Variants in TXNDC12 observed in about 807,000 individuals in gnomAD.
The protein encoded by TXNDC12 is thioredoxin domain containing 12.
A neutral mutation model predicts 24.2 loss-of-function variants in TXNDC12; 22 were observed. That is an observed-to-expected ratio of 0.91 (90% CI 0.65 to 1.30). The LOEUF is 1.30. Among genes scored for constraint, TXNDC12 ranks in the 50% most tolerant of loss-of-function variants. The probability of loss-of-function intolerance (pLI) is 0.00; values close to 1 mark genes in which losing one functional copy is unlikely to be tolerated. For synonymous variants in TXNDC12, 58 were observed against 73.4 expected (o/e 0.79, Z 1.07); for missense variants, 184 against 205.8 (o/e 0.89, Z 0.65).
chr1:52,051,568 G>A (rs972374578), intron 1 of TXNDC12, among the ~76,000 whole-genome samples: 3 of 152,092 alleles, frequency 2.0e-5, no homozygotes, highest in Non-Finnish European at 4.4e-5. Flanking sequence ...TAGTAGAGAT[G>A]GGGTTTCGCC....
chr1:52,024,570 C>A lies in TXNDC12; in HGVS notation c.295G>T (p.Glu99Ter). 3 of 1,609,750 alleles carry A rather than the reference C, an allele frequency of 1.9e-6. No homozygotes were observed. Among genetic ancestry groups the A allele is most frequent in the Non-Finnish European group, 2.5e-6 (3 of 1,177,278 alleles). ...FVMVNLEDEE[E>*]PKDEDFSPDG... Reference sequence around the variant, plus strand: ...GGGCTGAAATCTTCATCTTTGGGTTCCTCTTCATCCTATTAAGATTAAATG... The same window carrying A: ...GGGCTGAAATCTTCATCTTTGGGTTACTCTTCATCCTATTAAGATTAAATG... Residue 99 changes from glutamate to a stop codon, truncating the protein, a stop_gained, in exon 5 of 7, where the codon GAA becomes TAA. Transcript: ENST00000371626. LOFTEE classifies it high-confidence loss of function.
chr1:52,033,966 C>A, intron 2 of TXNDC12: 1 of 1,418,476 alleles, frequency 7.0e-7, no homozygotes, highest in African/African-American at 1.4e-5. Flanking sequence ...ATAATGGCAT[C>A]AGTTATTTAT....
At chr1:52,027,769 ATAT>A (rs1416032411) in intron 3 of TXNDC12, among the ~76,000 whole-genome samples, 3 of 149,166 alleles carry the variant, frequency 2.0e-5, no homozygotes, top group South Asian at 2.1e-4. Flanking sequence ...ATATACGTAT[ATAT>A]TATATGTTAT....
chr1:52,043,831 T>G (rs896232304), intron 1 of TXNDC12: 1 of 152,218 alleles, frequency 6.6e-6, no homozygotes, highest in African/African-American at 2.4e-5. Flanking sequence ...AGATTTTTCT[T>G]TCTCAGAAAT....
intron 6 of TXNDC12, 188 bp downstream of exon 6, chr1:52,023,303 G>C: frequency 2.1e-6 from 1 of 487,168 alleles, no homozygotes; most frequent in Non-Finnish European, 3.7e-6. Context: ...GGGTCAGTCA[G>C]CTCTTCCAAG....
In TXNDC12 at chr1:52,020,836, G is replaced by T. The variant is rs1006276699; in HGVS notation, c.*97C>A. The T allele has an allele frequency of 8.9e-6, 9 of 1,015,968 alleles. No individual in the cohort carries two copies. Among genetic ancestry groups the T allele is most frequent in the Admixed American group, 4.1e-5 (2 of 48,774 alleles). 62.9% of individuals were successfully genotyped at this position (1,015,968 alleles called of 1,614,324 possible). A position where few individuals can be genotyped will look rare whatever the true frequency, so the allele number is the denominator to read the frequency against. On this transcript the variant is annotated 3_prime_UTR_variant, in exon 7 of 7. Transcript: ENST00000371626. ...AGTGTAGGTAGGAATGAGGTTTCCT[G>T]GTCGGCTTAATTGTTCTAGATGATT...
intron 2 of TXNDC12, among the ~76,000 whole-genome samples, chr1:52,039,897 G>A (rs572224874): frequency 6.6e-6 from 1 of 152,098 alleles, no homozygotes; most frequent in South Asian, 2.1e-4. Context: ...GTGTTTGTGT[G>A]CAGAAGTTTT....
At chr1:52,048,112 G>C (rs1686130109) in intron 1 of TXNDC12, among the ~76,000 whole-genome samples, 1 of 152,132 alleles carries the variant, frequency 6.6e-6, no homozygotes, top group African/African-American at 2.4e-5. Context: ...GCCAATTAAA[G>C]TGAAAAGACA....
At chr1:52,031,245 C>T (rs1036999052) in intron 2 of TXNDC12, among the ~76,000 whole-genome samples, 3 of 151,454 alleles carry the variant, frequency 2.0e-5, no homozygotes, top group African/African-American at 7.3e-5. Flanking sequence ...CTGCAACCTC[C>T]GCCTCCCGGG....
At position 52,020,300 on chromosome 1, in the gene TXNDC12, G is replaced by A. The variant is rs1439014248; in HGVS notation, c.*633C>T. On this transcript the variant is annotated 3_prime_UTR_variant, in exon 7 of 7. Transcript: ENST00000371626. The stretch of plus-strand genomic sequence containing the variant: ...GGAAAGCATGCTTCCACCTGGAGCC[G>A]AGTCCAAGCACACAGCCAGTCCTGC... 1.3e-5 allele frequency: 5 copies of A among 387,306 alleles called. No individual in the cohort carries two copies. The highest frequency in any genetic ancestry group is 2.1e-5 in the African/African-American group (1 of 48,734). The allele number at this position is 387,306 out of a possible 1,614,324, so 24.0% of individuals were successfully genotyped here.
At chr1:52,028,262 T>C (rs982673556) in intron 3 of TXNDC12, among the ~76,000 whole-genome samples, 1 of 152,002 alleles carries the variant, frequency 6.6e-6, no homozygotes, top group Admixed American at 6.6e-5. Context: ...ATAACTTGGG[T>C]TCTAATTTGG....
intron 2 of TXNDC12, among the ~76,000 whole-genome samples, chr1:52,029,119 T>G (rs906941328): frequency 6.6e-6 from 1 of 152,176 alleles, no homozygotes; most frequent in Non-Finnish European, 1.5e-5. Flanking sequence ...CAGAACAGAC[T>G]CTGTCTCAAA....
intron 2 of TXNDC12, among the ~76,000 whole-genome samples, chr1:52,039,623 G>A (rs572887060): frequency 1.3e-3 from 191 of 152,240 alleles, no homozygotes; most frequent in Non-Finnish European, 2.1e-3. Context: ...GAGCCACCGC[G>A]CCCAGCTGAG....
chr1:52,033,718 C>T (rs1255149599), intron 2 of TXNDC12: 6 of 1,610,208 alleles, frequency 3.7e-6, no homozygotes, highest in Non-Finnish European at 5.1e-6. Flanking sequence ...AGCACGCCGG[C>T]TCTTGCCGCT....
In TXNDC12 at chr1:52,048,473, T is replaced by TAAA. The variant is rs57230386; in HGVS notation, c.97+6524_97+6526dup. 2.8e-4 allele frequency among the ~76,000 whole-genome samples: 33 copies of TAAA among 118,790 alleles called. No homozygotes were observed. In the East Asian group the frequency reaches 7.3e-3, roughly 26 times the overall value. 77.9% of individuals were successfully genotyped at this position (118,790 alleles called of 152,430 possible). On this transcript the variant is annotated intron_variant, in intron 1 of 6. Coordinates refer to ENST00000371626, the MANE Select transcript of TXNDC12 (RefSeq NM_015913.4). ...AGAGGGTGACCCTGTTTCTTTTCTTTAAAAAAAAAAAAAAAAAAGCATGCC... is the reference window on the plus strand; with the variant it reads ...AGAGGGTGACCCTGTTTCTTTTCTTTAAAAAAAAAAAAAAAAAAAAAGCATGCC...
Position 52,023,527 on chromosome 1 carries a change from G to T in TXNDC12, c.403C>A (p.Pro135Thr). Residue 135 changes from proline to threonine, a missense_variant, in exon 6 of 7, where the codon CCC becomes ACC. Pro to Thr is a conservative substitution (Grantham distance 38). Transcript: ENST00000371626. ...HPEIINENGN[P>T]SYKYFYVSAE... is the part of the protein sequence containing the mutation. ...CTGACATAAAAATACTTGTAGCTGG[G>T]GTTTCCATTCTCATTGATGATTTCA... 2 of 1,613,976 alleles carry T rather than the reference G, an allele frequency of 1.2e-6. No individual in the cohort carries two copies.
intron 1 of TXNDC12, among the ~76,000 whole-genome samples, chr1:52,053,516 T>C (rs1389849897): frequency 6.6e-6 from 1 of 151,844 alleles, no homozygotes; most frequent in Non-Finnish European, 1.5e-5. Flanking sequence ...TACAAAAAAT[T>C]AGCCAGACGT....
chr1:52,027,566 G>T (rs1317936717), intron 3 of TXNDC12, among the ~76,000 whole-genome samples: 2 of 152,024 alleles, frequency 1.3e-5, no homozygotes, highest in East Asian at 3.8e-4. Flanking sequence ...TCATTTCTCT[G>T]AAGCTGTTAC....
chr1:52,053,411 T>A (rs975530045), intron 1 of TXNDC12, among the ~76,000 whole-genome samples: 2 of 152,136 alleles, frequency 1.3e-5, no homozygotes, highest in Admixed American at 1.3e-4. Flanking sequence ...ATGCCTGTAA[T>A]CCCAGCACTT....
Sources: gnomAD v4.1 joint callset for allele counts (sites outside exome capture counted in the v4.1 genomes callset) on GRCh38, gnomAD v4.1.1 for gene constraint, MANE v1.5 for transcripts, NCBI Gene and HGNC (gene_info 2026-07-23, HGNC 2026-07-21) for gene names.